PCDH15: variants seen among roughly 807,000 people sequenced by gnomAD.
The protein encoded by PCDH15 is protocadherin-15.
Under a neutral mutation model 178.5 loss-of-function variants are expected in PCDH15, and 129 were observed. That is an observed-to-expected ratio of 0.72 (90% CI 0.63 to 0.84). PCDH15 has a LOEUF of 0.84. PCDH15 is among the 40% of genes least tolerant of loss of function. The probability of loss-of-function intolerance (pLI) is 0.00; values close to 1 mark genes in which losing one functional copy is unlikely to be tolerated. For synonymous variants in PCDH15, 800 were observed against 732.0 expected (o/e 1.09, Z -1.50); for missense variants, 2,230 against 2,099.9 (o/e 1.06, Z -1.21).
intron 21 of PCDH15, among the ~76,000 whole-genome samples, chr10:53,972,755 C>A (rs555023828): frequency 6.6e-6 from 1 of 152,260 alleles, no homozygotes; most frequent in East Asian, 1.9e-4. Flanking sequence ...CATCTCACAC[C>A]AGTTAGAATG....
chr10:54,106,978 A>G (rs1373930556), intron 15 of PCDH15, among the ~76,000 whole-genome samples: 1 of 152,194 alleles, frequency 6.6e-6, no homozygotes, highest in Non-Finnish European at 1.5e-5. Context: ...ATATGAAGAT[A>G]TATTTGACTC....
chr10:55,186,784 CTAGT>C (rs929244782), intron 1 of PCDH15, among the ~76,000 whole-genome samples: 6 of 151,050 alleles, frequency 4.0e-5, no homozygotes, highest in African/African-American at 7.3e-5. Flanking sequence ...GAAAAATTTG[CTAGT>C]AAGTTGCTGA....
At chr10:54,180,019 C>T (rs150749583) in intron 13 of PCDH15, among the ~76,000 whole-genome samples, 54 of 152,268 alleles carry the variant, frequency 3.5e-4, no homozygotes, top group Non-Finnish European at 6.5e-4. Context: ...TAGTTTCAAC[C>T]TATACGATTG....
intron 1 of PCDH15, among the ~76,000 whole-genome samples, chr10:55,213,569 A>AT (rs1840625607): frequency 2.0e-5 from 3 of 151,626 alleles, no homozygotes; most frequent in East Asian, 1.9e-4. Context: ...TAGTGTTTAC[A>AT]TTTTTTGGCA....
intron 1 of PCDH15, among the ~76,000 whole-genome samples, chr10:54,752,513 CA>C (rs1566128338): frequency 1.8e-5 from 1 of 54,642 alleles, no homozygotes; most frequent in African/African-American, 7.7e-5. Context: ...AAACAAAAAA[CA>C]AACAAACAAA....
At chr10:54,577,660 A>G (rs2090624458) in intron 2 of PCDH15, among the ~76,000 whole-genome samples, 1 of 152,052 alleles carries the variant, frequency 6.6e-6, no homozygotes, top group African/African-American at 2.4e-5. Context: ...ATTTCTTATA[A>G]TAATTAATTT....
At chr10:55,169,960 G>C (rs994385325) in intron 1 of PCDH15, among the ~76,000 whole-genome samples, 1 of 145,836 alleles carries the variant, frequency 6.9e-6, no homozygotes, top group Admixed American at 7.1e-5. Context: ...TCCATAGACT[G>C]TTACTTAAAT....
intron 2 of PCDH15, among the ~76,000 whole-genome samples, chr10:55,391,765 C>G (rs1588981153): frequency 6.6e-6 from 1 of 152,162 alleles, no homozygotes; most frequent in East Asian, 1.9e-4. Flanking sequence ...GGATTACAAG[C>G]ATGAGTCACC....
rs143336585 is a variant in PCDH15 at position 55,317,538 on chromosome 10, A to G, written c.-156+2061T>C. On this transcript the variant is annotated intron_variant, in intron 1 of 5. Coordinates refer to the PCDH15 transcript ENST00000458638. ...TCAATAGGGTTATAGTCTATAATGA[A>G]CTTATTAAGAGTTTTTAATAATTTC... is the stretch of plus-strand genomic sequence containing the variant. 5.2e-3 allele frequency among the ~76,000 whole-genome samples: 790 copies of G among 152,180 alleles called. 11 individuals carry two copies. Among genetic ancestry groups the G allele is most frequent in the African/African-American group, 0.018 (744 of 41,546 alleles).
At position 54,546,932 on chromosome 10, in the gene PCDH15, C is replaced by T. The variant is rs533482519; in HGVS notation, c.92-19055G>A. Among the ~76,000 whole-genome samples the T allele has an allele frequency of 6.6e-5, 10 of 152,234 alleles. 1 individual carries two copies. The South Asian group carries it at 2.1e-3, about 32-fold the overall frequency. ...AATGTGTCAATGACTTCATCATATTCATTTGGGCAACTGAGCTAGAGTCTT... is the reference window on the plus strand; with the variant it reads ...AATGTGTCAATGACTTCATCATATTTATTTGGGCAACTGAGCTAGAGTCTT... On this transcript the variant is annotated intron_variant, in intron 2 of 37. Coordinates refer to ENST00000644397, the MANE Select transcript of PCDH15 (RefSeq NM_001384140.1).
chr10:55,411,996 A>C (rs1269165207), intron 2 of PCDH15, among the ~76,000 whole-genome samples: 1 of 152,250 alleles, frequency 6.6e-6, no homozygotes, highest in South Asian at 2.1e-4. Flanking sequence ...ATTTAGAAAT[A>C]TAGAAAACAT....
At chr10:54,228,958 T>C (rs753022020) in intron 9 of PCDH15, among the ~76,000 whole-genome samples, 5 of 152,218 alleles carry the variant, frequency 3.3e-5, no homozygotes, top group Admixed American at 2.6e-4. Flanking sequence ...TTTCAACACA[T>C]TGCAGTGACT....
At chr10:54,652,205 C>T (rs1471657891) in intron 2 of PCDH15, among the ~76,000 whole-genome samples, 2 of 152,100 alleles carry the variant, frequency 1.3e-5, no homozygotes, top group Non-Finnish European at 2.9e-5. Context: ...ACTTTCAGGA[C>T]CTTTCTTTCC....
intron 8 of PCDH15, among the ~76,000 whole-genome samples, chr10:54,308,715 T>C (rs773144676): frequency 9.2e-5 from 14 of 152,050 alleles, no homozygotes; most frequent in Non-Finnish European, 1.8e-4. Flanking sequence ...ACACATGCCA[T>C]GGTGGTTTGC....
intron 2 of PCDH15, among the ~76,000 whole-genome samples, chr10:55,057,969 T>G (rs1374592255): frequency 2.0e-5 from 3 of 152,174 alleles, no homozygotes; most frequent in African/African-American, 4.8e-5. Context: ...TTTAAATGTT[T>G]TGTTTTATTA....
At chr10:55,493,011 C>G (rs181979161) in intron 2 of PCDH15, among the ~76,000 whole-genome samples, 48 of 151,700 alleles carry the variant, frequency 3.2e-4, no homozygotes, top group African/African-American at 1.0e-3. Flanking sequence ...ACTATACAAT[C>G]TCTTAGATTA....
intron 8 of PCDH15, among the ~76,000 whole-genome samples, chr10:54,257,089 A>T (rs1319741639): frequency 6.6e-6 from 1 of 150,652 alleles, no homozygotes; most frequent in East Asian, 1.9e-4. Context: ...AGATAGATAG[A>T]TACTGAGATA....
chr10:54,505,495 T>C (rs1024380818), intron 3 of PCDH15, among the ~76,000 whole-genome samples: 1 of 152,110 alleles, frequency 6.6e-6, no homozygotes, highest in Non-Finnish European at 1.5e-5. Context: ...ACAATTCAAA[T>C]AACTTTCAAC....
intron 2 of PCDH15, among the ~76,000 whole-genome samples, chr10:55,396,041 T>G (rs977321174): frequency 6.6e-6 from 1 of 151,358 alleles, no homozygotes; most frequent in Non-Finnish European, 1.5e-5. Context: ...AAAATATATT[T>G]TAGCATTTTC....
Sources: gnomAD v4.1 joint callset for allele counts (sites outside exome capture counted in the v4.1 genomes callset) on GRCh38, gnomAD v4.1.1 for gene constraint, MANE v1.5 for transcripts, NCBI Gene and HGNC (gene_info 2026-07-23, HGNC 2026-07-21) for gene names.